The following TOP2B variants were observed in gnomAD, a reference collection of about 807,000 sequenced individuals.
TOP2B encodes DNA topoisomerase II beta, also known as DNA topoisomerase 2-beta.
Under a neutral mutation model 193.5 loss-of-function variants are expected in TOP2B, and 51 were observed. That is an observed-to-expected ratio of 0.26 (90% CI 0.21 to 0.33). The LOEUF (loss-of-function observed/expected upper bound fraction) is 0.33. TOP2B is among the 10% of genes least tolerant of loss of function. The pLI is 1.00. For missense variants in TOP2B, 1,378 were observed against 1,909.3 expected, an observed-to-expected ratio of 0.72 and a Z score of 5.19; for synonymous variants, 634 against 635.7, an observed-to-expected ratio of 1.00 and a Z score of 0.04.
At chr3:25,619,780 A>C in intron 23 of TOP2B, 82 bp downstream of exon 23, 6 of 897,016 alleles carry the variant, frequency 6.7e-6, no homozygotes, top group Non-Finnish European at 8.5e-6. Flanking sequence ...TACTATAGCC[A>C]CTCCCATCAT....
chr3:25,659,479 A>T (rs1373049987), intron 1 of TOP2B, among the ~76,000 whole-genome samples: 1 of 152,250 alleles, frequency 6.6e-6, no homozygotes, highest in Non-Finnish European at 1.5e-5. Context: ...TGTGCCAAGC[A>T]CTACGATAAT....
chr3:25,643,418 C>T (rs1703319149), intron 3 of TOP2B, among the ~76,000 whole-genome samples: 1 of 152,104 alleles, frequency 6.6e-6, no homozygotes, highest in South Asian at 2.1e-4. Flanking sequence ...GCTAGCATAT[C>T]CCAGATGACT....
intron 28 of TOP2B, 137 bp from the exon 29 acceptor site, chr3:25,609,849 G>A: frequency 1.3e-6 from 1 of 758,318 alleles, no homozygotes; most frequent in Non-Finnish European, 1.9e-6. Flanking sequence ...CCTAACAGCT[G>A]ACTTTGATCA....
At chr3:25,652,821 T>C (rs1345645497) in intron 1 of TOP2B, among the ~76,000 whole-genome samples, 12 of 150,682 alleles carry the variant, frequency 8.0e-5, no homozygotes, top group Non-Finnish European at 4.4e-5. Flanking sequence ...AAATAGAGAA[T>C]AGAAAAACAA....
At chr3:25,646,772 T>C (rs1429773513) in intron 1 of TOP2B, among the ~76,000 whole-genome samples, 1 of 152,192 alleles carries the variant, frequency 6.6e-6, no homozygotes, top group African/African-American at 2.4e-5. Context: ...AACTGTATCA[T>C]TAAGTATGTT....
In TOP2B at chr3:25,638,330, A is replaced by T. The variant is rs747490612; in HGVS notation, c.396-20T>A. On this transcript the variant is annotated intron_variant, in intron 4 of 35. Transcript: ENST00000264331. ...GATTCACTGTAAAAAAAAAAAAAAAAAAAAAAAAAAAAAAAAAAAAAAGCA... is the reference window on the plus strand; with the variant it reads ...GATTCACTGTAAAAAAAAAAAAAAATAAAAAAAAAAAAAAAAAAAAAAGCA... The T allele has an allele frequency of 7.6e-7, 1 of 1,323,012 alleles. No homozygotes were observed. The highest frequency in any genetic ancestry group is 1.8e-5 in the African/African-American group (1 of 55,476). The allele number at this position is 1,323,012 out of a possible 1,614,324, so 82.0% of individuals were successfully genotyped here.
intron 21 of TOP2B, among the ~76,000 whole-genome samples, chr3:25,622,000 A>G (rs1365003509): frequency 6.6e-6 from 1 of 152,050 alleles, no homozygotes; most frequent in Non-Finnish European, 1.5e-5. Flanking sequence ...GAAAAAAAAA[A>G]AAAGAAAGAA....
intron 25 of TOP2B, among the ~76,000 whole-genome samples, chr3:25,617,871 A>T (rs1702546258): frequency 6.6e-6 from 1 of 152,228 alleles, no homozygotes; most frequent in Non-Finnish European, 1.5e-5. Context: ...TTAATAAAAC[A>T]TCAGACTTTT....
At chr3:25,638,941 T>C (rs1024302479) in intron 4 of TOP2B, among the ~76,000 whole-genome samples, 2 of 152,152 alleles carry the variant, frequency 1.3e-5, no homozygotes, top group African/African-American at 2.4e-5. Flanking sequence ...AGTTTACAAA[T>C]AAAGTTTCAA....
intron 27 of TOP2B, 135 bp from the exon 28 acceptor site, chr3:25,612,844 G>A: frequency 1.6e-6 from 1 of 606,744 alleles, no homozygotes; most frequent in Non-Finnish European, 2.7e-6. Flanking sequence ...TCTAATTCAA[G>A]ATTAAATAAT....
chr3:25,605,922 G>C (rs1702226863), intron 32 of TOP2B, 121 bp downstream of exon 32: 1 of 499,908 alleles, frequency 2.0e-6, no homozygotes, highest in African/African-American at 2.0e-5. Context: ...ATATAAAAAG[G>C]AAGTTTTCTA....
At chr3:25,615,802 G>A in intron 25 of TOP2B, 1 of 338,898 alleles carries the variant, frequency 3.0e-6, no homozygotes, top group Non-Finnish European at 5.2e-6. Flanking sequence ...CAGAAGGAAT[G>A]GTATACACTA....
intron 1 of TOP2B, among the ~76,000 whole-genome samples, chr3:25,646,362 C>T (rs1252421440): frequency 6.6e-6 from 1 of 152,088 alleles, no homozygotes; most frequent in East Asian, 1.9e-4. Context: ...TCTGGGTGTC[C>T]CAATACTGAT....
At position 25,659,133 on chromosome 3, in the gene TOP2B, C is replaced by A. The variant is rs145685046; in HGVS notation, c.69+5096G>T. On this transcript the variant is annotated intron_variant, in intron 1 of 35. Coordinates refer to ENST00000264331, the MANE Select transcript of TOP2B (RefSeq NM_001330700.2). Reference sequence around the variant, plus strand: ...CAATCCCCTCAGACTTAACACCAACCTTTTATAATGTCTCCTCTCTCTTTT... The same window carrying A: ...CAATCCCCTCAGACTTAACACCAACATTTTATAATGTCTCCTCTCTCTTTT... Among the ~76,000 whole-genome samples, 391 of 152,264 alleles carry A rather than the reference C, an allele frequency of 2.6e-3. 3 individuals are homozygous for A. Among genetic ancestry groups the A allele is most frequent in the African/African-American group, 9.0e-3 (372 of 41,544 alleles).
chr3:25,608,231 T>C (rs1702283717), intron 30 of TOP2B, among the ~76,000 whole-genome samples: 1 of 152,154 alleles, frequency 6.6e-6, no homozygotes, highest in East Asian at 1.9e-4. Context: ...AAAACAATAA[T>C]ACAATGCATA....
rs779135229 is a variant in TOP2B at position 25,623,673 on chromosome 3, C to T, written c.2569G>A (p.Val857Ile). The change falls in exon 21 of 36, where the codon GTA becomes ATA. Residue 857 changes from valine (V) to isoleucine (I), a missense_variant. Physicochemically the swap from Val to Ile is conservative, Grantham distance 29. Coordinates refer to ENST00000264331, the MANE Select transcript of TOP2B (RefSeq NM_001330700.2). Reference protein sequence around the residue: ...LKFLYDDNQRVEPEWYIPIIP... With the variant: ...LKFLYDDNQRIEPEWYIPIIP... ...ATAGGAATATACCACTCAGGCTCTA[C>T]ACGTTGATTATCATCATAAAGGAAC... 1.9e-6 allele frequency: 3 copies of T among 1,613,676 alleles called. No homozygotes were observed. Among genetic ancestry groups the T allele is most frequent in the African/African-American group, 2.7e-5 (2 of 74,882 alleles).
chr3:25,602,416 G>GAAAAAAA (rs60844877), intron 33 of TOP2B, among the ~76,000 whole-genome samples: 11 of 111,704 alleles, frequency 9.8e-5, no homozygotes, highest in African/African-American at 2.0e-4. Flanking sequence ...AAAAGAAAAA[G>GAAAAAAA]AAAAAAAAAA....
At chr3:25,636,298 CA>C (rs528243568) in intron 6 of TOP2B, 150 bp from the exon 7 acceptor site, 864 of 568,132 alleles carry the variant, frequency 1.5e-3, no homozygotes, top group Non-Finnish European at 1.7e-3. Flanking sequence ...ATATTACAGA[CA>C]AAAAAAAATA....
In TOP2B at chr3:25,635,929, C is replaced by T. The variant is rs768042022; in HGVS notation, c.852+7G>A. ...ATAGTATTAAAACTATTTTACAGGACACTTACAGGCAATTTCTTTCCATTA... is the reference window on the plus strand; with the variant it reads ...ATAGTATTAAAACTATTTTACAGGATACTTACAGGCAATTTCTTTCCATTA... On this transcript the variant is annotated splice_region_variant and intron_variant, in intron 7 of 35. Coordinates refer to ENST00000264331, the MANE Select transcript of TOP2B (RefSeq NM_001330700.2). The T allele has an allele frequency of 6.2e-7, 1 of 1,610,490 alleles. No individual in the cohort carries two copies. Among genetic ancestry groups the T allele is most frequent in the East Asian group, 2.2e-5 (1 of 44,820 alleles).
Sources: allele counts gnomAD v4.1 joint callset (sites outside exome capture counted in the v4.1 genomes callset), GRCh38; gene constraint gnomAD v4.1.1; transcripts MANE v1.5; gene names NCBI Gene and HGNC (gene_info 2026-07-23, HGNC 2026-07-21).